The following ITGB5 variants were observed in gnomAD, a reference collection of about 807,000 sequenced individuals.
ITGB5 encodes integrin beta-5.
A neutral mutation model predicts 84.8 loss-of-function variants in ITGB5; 38 were observed. That is an observed-to-expected ratio of 0.45 (90% CI 0.35 to 0.59). The LOEUF (loss-of-function observed/expected upper bound fraction) is 0.59, where lower values mean the gene tolerates loss of function less well. Ranked by LOEUF, ITGB5 falls within the 20% of genes least tolerant of loss-of-function variation. The probability of loss-of-function intolerance (pLI) is 0.01; values close to 1 mark genes in which losing one functional copy is unlikely to be tolerated. For missense variants in ITGB5, 905 were observed against 1,034.5 expected (o/e 0.87, Z 1.72); for synonymous variants, 393 against 414.4 (o/e 0.95, Z 0.63).
At chr3:124,840,087 T>C (rs1376654420) in intron 5 of ITGB5, among the ~76,000 whole-genome samples, 1 of 152,258 alleles carries the variant, frequency 6.6e-6, no homozygotes, top group Non-Finnish European at 1.5e-5. Context: ...TCTTCCCATC[T>C]TGTCAAGGAT....
At chr3:124,863,977 G>GA (rs1192871033) in intron 2 of ITGB5, among the ~76,000 whole-genome samples, 73 of 31,826 alleles carry the variant, frequency 2.3e-3, no homozygotes, top group Middle Eastern at 0.024. Context: ...GGTAAAAAAA[G>GA]AAAAAAAAAG....
At chr3:124,854,848 T>C (rs2065201647) in intron 3 of ITGB5, among the ~76,000 whole-genome samples, 1 of 152,212 alleles carries the variant, frequency 6.6e-6, no homozygotes, top group South Asian at 2.1e-4. Context: ...TTCCTGAGAC[T>C]TACCTTGGAA....
intron 11 of ITGB5, chr3:124,769,345 G>A (rs2063809910): frequency 4.2e-6 from 2 of 475,872 alleles, no homozygotes; most frequent in Non-Finnish European, 7.5e-6. Flanking sequence ...TACATGTCAG[G>A]TTGCAGACCT....
chr3:124,801,089 A>T (rs2064308252), intron 9 of ITGB5, among the ~76,000 whole-genome samples: 1 of 152,132 alleles, frequency 6.6e-6, no homozygotes, highest in African/African-American at 2.4e-5. Context: ...GATCTCAACA[A>T]AAAAGGAGCT....
intron 1 of ITGB5, among the ~76,000 whole-genome samples, chr3:124,898,063 G>A (rs969810593): frequency 6.6e-6 from 1 of 152,044 alleles, no homozygotes; most frequent in Non-Finnish European, 1.5e-5. Flanking sequence ...TAATGACCTT[G>A]AAAACAAAAC....
Position 124,887,337 on chromosome 3 carries a change from CGA to C in ITGB5, c.-339_-338del. On this transcript the variant is annotated 5_prime_UTR_variant, in exon 1 of 15. Coordinates refer to ENST00000296181, the MANE Select transcript of ITGB5 (RefSeq NM_002213.5). ...TTGGGCTCCGAGACGCGCCCAGCGC[CGA>C]GACTCCCCCGCGCGCCGGCACACTC... The C allele has an allele frequency of 6.5e-6, 1 of 153,976 alleles. No homozygotes were observed. Among genetic ancestry groups the C allele is most frequent in the Non-Finnish European group, 1.4e-5 (1 of 69,236 alleles). The allele number at this position is 153,976 out of a possible 1,614,324, so 9.5% of individuals were successfully genotyped here.
At chr3:124,811,334 A>G (rs904584537) in intron 8 of ITGB5, among the ~76,000 whole-genome samples, 2 of 152,250 alleles carry the variant, frequency 1.3e-5, no homozygotes, top group African/African-American at 4.8e-5. Flanking sequence ...CAGCTATGCT[A>G]AGGTCTCAGG....
intron 14 of ITGB5, among the ~76,000 whole-genome samples, 168 bp from the exon 15 acceptor site, chr3:124,763,886 G>T (rs2063729579): frequency 1.3e-5 from 2 of 152,182 alleles, no homozygotes; most frequent in Admixed American, 1.3e-4. Flanking sequence ...GTGTTCCCCA[G>T]GAAAGCCATC....
chr3:124,853,996 G>A (rs147492287), intron 3 of ITGB5, among the ~76,000 whole-genome samples: 15 of 152,118 alleles, frequency 9.9e-5, no homozygotes, highest in African/African-American at 3.1e-4. Flanking sequence ...AGCTTTTGAC[G>A]GTTCTCAATA....
At chr3:124,847,473 A>G (rs1289466302) in intron 4 of ITGB5, among the ~76,000 whole-genome samples, 1 of 152,224 alleles carries the variant, frequency 6.6e-6, no homozygotes, top group Admixed American at 6.5e-5. Flanking sequence ...TCCTGGGCCT[A>G]CAGCTACACT....
intron 4 of ITGB5, among the ~76,000 whole-genome samples, chr3:124,841,814 GAGATAAT>G (rs1397633586): frequency 6.6e-5 from 10 of 152,270 alleles, no homozygotes; most frequent in Admixed American, 5.2e-4. Flanking sequence ...AAAGGAAACA[GAGATAAT>G]AGTAGGCTAC....
Position 124,821,479 on chromosome 3 carries a change from A to G in ITGB5, c.781-5T>C. 6.2e-7 allele frequency: 1 copy of G among 1,614,090 alleles called. No homozygotes were observed. The highest frequency in any genetic ancestry group is 8.5e-7 in the Non-Finnish European group (1 of 1,180,004). On this transcript the variant is annotated splice_polypyrimidine_tract_variant and splice_region_variant and intron_variant, in intron 5 of 14. Coordinates refer to ENST00000296181, the MANE Select transcript of ITGB5 (RefSeq NM_002213.5). ...CTTTCGCCAGCCAATCTTCTCCTGA[A>G]GGACAGAAGGTGGATGGGTACACCA...
chr3:124,869,889 T>C lies in ITGB5; in HGVS notation c.156+3557A>G, dbSNP rs72974540. 1.9e-3 allele frequency among the ~76,000 whole-genome samples: 283 copies of C among 152,280 alleles called. 1 individual carries two copies. The highest frequency in any genetic ancestry group is 6.6e-3 in the African/African-American group (273 of 41,570). On this transcript the variant is annotated intron_variant, in intron 2 of 14. Transcript: ENST00000296181. ...GGAAAGAAGCTATTTAAAGTAAAAA[T>C]GGACCTGGCTTCTGGATTTTCTAGC...
At chr3:124,768,729 A>T (rs1212996450) in intron 12 of ITGB5, among the ~76,000 whole-genome samples, 1 of 152,244 alleles carries the variant, frequency 6.6e-6, no homozygotes, top group Non-Finnish European at 1.5e-5. Context: ...TTACATGGAC[A>T]TATGGACCTA....
chr3:124,809,329 G>A (rs1346205606), intron 8 of ITGB5, 173 bp from the exon 9 acceptor site: 5 of 625,586 alleles, frequency 8.0e-6, no homozygotes, highest in Non-Finnish European at 1.4e-5. Flanking sequence ...CCTTCTCTCT[G>A]CACTCACACA....
At chr3:124,821,962 A>C (rs956091929) in intron 5 of ITGB5, among the ~76,000 whole-genome samples, 16 of 152,206 alleles carry the variant, frequency 1.1e-4, no homozygotes, top group Non-Finnish European at 2.2e-4. Flanking sequence ...AGAACAGAGC[A>C]CTCAAATGAC....
intron 5 of ITGB5, among the ~76,000 whole-genome samples, chr3:124,827,481 A>G (rs781120553): frequency 2.6e-5 from 4 of 152,244 alleles, no homozygotes; most frequent in South Asian, 2.1e-4. Flanking sequence ...AAATTATTGC[A>G]TGCTAAACAA....
chr3:124,878,376 A>C (rs9870507), intron 1 of ITGB5, among the ~76,000 whole-genome samples: 2,820 of 152,352 alleles, frequency 0.019, 36 homozygotes, highest in Non-Finnish European at 0.029. Flanking sequence ...TGGTATGAAA[A>C]CATCATGAAC....
At position 124,796,514 on chromosome 3, in the gene ITGB5, T is replaced by C. The variant is rs1018214472; in HGVS notation, c.1567A>G (p.Ser523Gly). ...TTGCAGCTGCAGTCCCCACGCCCGC[T>C]GCACAGTGGCTTGCCCTCTGCCTCC... ...CREAEGKPLC[S>G]GRGDCSCNQC... Residue 523 changes from serine to glycine, a missense_variant, in exon 10 of 15, where the codon AGC becomes GGC. Ser to Gly is a moderately conservative substitution (Grantham distance 56, BLOSUM62 0). Transcript: ENST00000296181. The C allele has an allele frequency of 4.3e-6, 7 of 1,614,058 alleles. No homozygotes were observed. Among genetic ancestry groups the C allele is most frequent in the Non-Finnish European group, 5.9e-6 (7 of 1,180,042 alleles).
Sources: gnomAD v4.1 joint callset for allele counts (sites outside exome capture counted in the v4.1 genomes callset) on GRCh38, gnomAD v4.1.1 for gene constraint, MANE v1.5 for transcripts, NCBI Gene and HGNC (gene_info 2026-07-23, HGNC 2026-07-21) for gene names.